MINPP1: variants seen among roughly 807,000 people sequenced by gnomAD.
MINPP1 encodes multiple inositol polyphosphate phosphatase 1.
MINPP1 carries 28 observed loss-of-function variants against 46.1 expected under a neutral mutation model. That is an observed-to-expected ratio of 0.61 (90% CI 0.45 to 0.83). The LOEUF (loss-of-function observed/expected upper bound fraction) is 0.83, where lower values mean the gene tolerates loss of function less well. Ranked by LOEUF, MINPP1 falls within the 40% of genes least tolerant of loss-of-function variation. The pLI, the probability that MINPP1 is intolerant of heterozygous loss-of-function variation, is 0.00. For synonymous variants in MINPP1, 268 were observed against 249.1 expected, an observed-to-expected ratio of 1.08 and a Z score of -0.72; for missense variants, 603 against 610.0, an observed-to-expected ratio of 0.99 and a Z score of 0.12.
intron 3 of MINPP1, among the ~76,000 whole-genome samples, chr10:87,519,089 C>A (rs1851456727): frequency 6.6e-6 from 1 of 151,866 alleles, no homozygotes; most frequent in Admixed American, 6.6e-5. Context: ...TTCCTGAGGC[C>A]TGCCCTGGAG....
intron 4 of MINPP1, among the ~76,000 whole-genome samples, chr10:87,549,412 A>T (rs1329409208): frequency 6.6e-6 from 1 of 152,182 alleles, no homozygotes; most frequent in Non-Finnish European, 1.5e-5. Context: ...GAATCTAAGT[A>T]TGTAAGACTG....
intron 4 of MINPP1, among the ~76,000 whole-genome samples, chr10:87,544,093 C>T (rs1324315992): frequency 6.6e-6 from 1 of 152,210 alleles, no homozygotes; most frequent in Non-Finnish European, 1.5e-5. Flanking sequence ...TTGCCCCCTG[C>T]CCTTTTCAGA....
chr10:87,504,929 C>T lies in MINPP1; in HGVS notation c.14C>T (p.Pro5Leu), dbSNP rs1423127407. 1.9e-6 allele frequency: 3 copies of T among 1,610,882 alleles called. No homozygotes were observed. Among genetic ancestry groups the T allele is most frequent in the Non-Finnish European group, 1.7e-6 (2 of 1,179,190 alleles). Residue 5 changes from proline to leucine, a missense_variant, in exon 1 of 5, where the codon CCC becomes CTC. Around this residue, in one of 3 missense-constraint regions of MINPP1, gnomAD observed 239 missense variants for 189.4 expected, o/e 1.26. Transcript: ENST00000371996. ...ACCGTCCCGACGATGCTACGCGCGC[C>T]CGGCTGCCTCCTCCGGACCTCCGTA... MLRA[P>L]GCLLRTSVAP...
At chr10:87,550,811 C>T (rs1851952102) in intron 4 of MINPP1, among the ~76,000 whole-genome samples, 1 of 151,838 alleles carries the variant, frequency 6.6e-6, no homozygotes. Flanking sequence ...CCACTCCCAG[C>T]AGTTTCTCTA....
intron 1 of MINPP1, among the ~76,000 whole-genome samples, chr10:87,507,046 G>C (rs768344218): frequency 1.3e-5 from 2 of 152,156 alleles, no homozygotes; most frequent in Non-Finnish European, 2.9e-5. Context: ...TGGAACAAGT[G>C]AATTTTTGTT....
At chr10:87,530,423 C>A (rs1322738943) in intron 4 of MINPP1, among the ~76,000 whole-genome samples, 1 of 152,150 alleles carries the variant, frequency 6.6e-6, no homozygotes, top group Non-Finnish European at 1.5e-5. Context: ...GTTAGTTTTC[C>A]TTCTAACAGT....
chr10:87,551,785 C>A (rs1216730932), intron 4 of MINPP1, among the ~76,000 whole-genome samples: 1 of 152,042 alleles, frequency 6.6e-6, no homozygotes, highest in East Asian at 1.9e-4. Flanking sequence ...TTTCAAGTTC[C>A]CATATCTATA....
chr10:87,551,683 T>C (rs1375624438), intron 4 of MINPP1, among the ~76,000 whole-genome samples: 1 of 152,128 alleles, frequency 6.6e-6, no homozygotes. Flanking sequence ...TAACACTTTA[T>C]TCAAAAGAGC....
At chr10:87,528,024 G>GTTATTCATA (rs2131822609) in intron 4 of MINPP1, among the ~76,000 whole-genome samples, 1 of 152,190 alleles carries the variant, frequency 6.6e-6, no homozygotes, top group South Asian at 2.1e-4. Flanking sequence ...TCTGATGATA[G>GTTATTCATA]TTATATTTCT....
intron 3 of MINPP1, among the ~76,000 whole-genome samples, chr10:87,516,940 G>A (rs1330460948): frequency 6.6e-6 from 1 of 152,002 alleles, no homozygotes; most frequent in Admixed American, 6.6e-5. Context: ...TACTCAGCGT[G>A]TGTTTTTTTT....
Position 87,505,683 on chromosome 10 carries a change from C to A in MINPP1, c.637+131C>A. 1 of 837,738 alleles carries A rather than the reference C, an allele frequency of 1.2e-6. No individual in the cohort carries two copies. Among genetic ancestry groups the A allele is most frequent in the Non-Finnish European group, 1.8e-6 (1 of 542,366 alleles). 51.9% of individuals were successfully genotyped at this position (837,738 alleles called of 1,614,324 possible). A position where few individuals can be genotyped will look rare whatever the true frequency, so the allele number is the denominator to read the frequency against. ...TTCCTCTTTTCCCAAGCCATCATCC[C>A]TCGGGCTACGTCCTCCCTGTCGAGG... On this transcript the variant is annotated intron_variant, in intron 1 of 4. Transcript: ENST00000371996. This position sits in a 1 kb window ranked among gnomAD's most constrained non-coding sequence, Gnocchi z 4.4.
At chr10:87,538,078 G>C (rs1851763223) in intron 4 of MINPP1, among the ~76,000 whole-genome samples, 1 of 150,938 alleles carries the variant, frequency 6.6e-6, no homozygotes, top group African/African-American at 2.4e-5. Flanking sequence ...TGGGATTATA[G>C]ATAGGAGTAA....
intron 4 of MINPP1, among the ~76,000 whole-genome samples, chr10:87,535,622 A>G (rs1316357831): frequency 1.3e-5 from 2 of 152,168 alleles, no homozygotes; most frequent in Non-Finnish European, 2.9e-5. Context: ...CCTGTCATCT[A>G]GATGCTGATT....
intron 3 of MINPP1, among the ~76,000 whole-genome samples, chr10:87,515,018 T>C (rs1024118892): frequency 6.6e-6 from 1 of 151,626 alleles, no homozygotes; most frequent in Non-Finnish European, 1.5e-5. Flanking sequence ...TCCTGGCCAG[T>C]GATGTTTGAT....
chr10:87,507,149 T>G (rs1275665480), intron 1 of MINPP1, among the ~76,000 whole-genome samples: 2 of 152,198 alleles, frequency 1.3e-5, no homozygotes, highest in African/African-American at 4.8e-5. Context: ...TCCTGACCGT[T>G]TTCAGTGTCA....
intron 1 of MINPP1, chr10:87,508,082 C>G: frequency 6.8e-7 from 1 of 1,480,070 alleles, no homozygotes; most frequent in Non-Finnish European, 8.9e-7. Context: ...AATTTCATTG[C>G]GTAGCATCTC....
chr10:87,506,044 CA>C (rs1851244914), intron 1 of MINPP1, among the ~76,000 whole-genome samples: 1 of 146,630 alleles, frequency 6.8e-6, no homozygotes, highest in African/African-American at 2.5e-5. Flanking sequence ...TTAAACTCAT[CA>C]TCTTTTTCAG....
chr10:87,547,562 T>G (rs1851905411), intron 4 of MINPP1, among the ~76,000 whole-genome samples: 1 of 152,224 alleles, frequency 6.6e-6, no homozygotes, highest in Non-Finnish European at 1.5e-5. Flanking sequence ...ACAATTTAAT[T>G]TATGGTATAC....
At chr10:87,507,117 C>CTGTAGTA (rs1167527478) in intron 1 of MINPP1, among the ~76,000 whole-genome samples, 1 of 152,180 alleles carries the variant, frequency 6.6e-6, no homozygotes, top group Non-Finnish European at 1.5e-5. Context: ...GATGAAAATA[C>CTGTAGTA]TACAGTTCAG....
Sources: gnomAD v4.1 joint callset for allele counts (sites outside exome capture counted in the v4.1 genomes callset) on GRCh38, gnomAD v4.1.1 for gene constraint, gnomAD v4.1.1 regional missense constraint, Gnocchi (gnomAD v3.1) non-coding constraint, MANE v1.5 for transcripts, NCBI Gene and HGNC (gene_info 2026-07-23, HGNC 2026-07-21) for gene names.